WDFY4: variants seen among roughly 807,000 people sequenced by gnomAD.
WDFY4 encodes WD repeat- and FYVE domain-containing protein 4.
A neutral mutation model predicts 351.9 loss-of-function variants in WDFY4; 169 were observed. The ratio of observed to expected loss-of-function variants is 0.48; its 90% confidence interval spans 0.42 to 0.55. The LOEUF (loss-of-function observed/expected upper bound fraction) is 0.55. Among genes scored for constraint, WDFY4 ranks in the 20% least tolerant of loss-of-function variants. WDFY4 has a pLI of 0.00. For missense variants in WDFY4, 3,803 were observed against 3,935.6 expected, an observed-to-expected ratio of 0.97 and a Z score of 0.90; for synonymous variants, 1,622 against 1,574.6, an observed-to-expected ratio of 1.03 and a Z score of -0.71.
chr10:48,755,867 A>G (rs112824808), intron 12 of WDFY4, among the ~76,000 whole-genome samples: 3 of 152,084 alleles, frequency 2.0e-5, no homozygotes, highest in Admixed American at 1.3e-4. Context: ...GTTATTTTAT[A>G]TATAGGTAGG....
At chr10:48,716,149 C>T (rs1230647790) in intron 2 of WDFY4, among the ~76,000 whole-genome samples, 5 of 152,034 alleles carry the variant, frequency 3.3e-5, no homozygotes, top group South Asian at 2.1e-4. Flanking sequence ...GCATCACACT[C>T]GCAGGGAAAC....
At chr10:48,790,580 C>G (rs371780586) in intron 22 of WDFY4, 147 bp from the exon 23 acceptor site, 6 of 874,268 alleles carry the variant, frequency 6.9e-6, no homozygotes, top group African/African-American at 6.8e-5. Flanking sequence ...CTGCTCTTCC[C>G]CCCAGCCTGT....
intron 12 of WDFY4, among the ~76,000 whole-genome samples, chr10:48,743,901 G>T (rs1025172858): frequency 6.6e-6 from 1 of 152,086 alleles, no homozygotes; most frequent in Non-Finnish European, 1.5e-5. Flanking sequence ...AGGCAGCCTC[G>T]GTCTTCTCAG....
chr10:48,812,552 A>G (rs542158652), intron 30 of WDFY4, among the ~76,000 whole-genome samples: 69 of 152,098 alleles, frequency 4.5e-4, no homozygotes, highest in African/African-American at 1.5e-3. Context: ...CATAAGCCAT[A>G]ATTATGTTCA....
In WDFY4 at chr10:48,806,077, C is replaced by G; in HGVS notation, c.4720C>G (p.Leu1574Val). 2 of 1,551,686 alleles carry G rather than the reference C, an allele frequency of 1.3e-6. No homozygotes were observed. The highest frequency in any genetic ancestry group is 1.4e-5 in the African/African-American group (1 of 73,162). Reference protein sequence around the residue: ...NERQICMDGALDPSLPAGSQT... With the variant: ...NERQICMDGAVDPSLPAGSQT... ...GAGGCAGATCTGCATGGACGGAGCC[C>G]TGGACCCTTCCCTGCCTGGTGAGAA... The change falls in exon 27 of 62, where the codon CTG (leucine) becomes GTG (valine). Residue 1574 changes from leucine to valine, a missense_variant. Around this residue, in one of 3 missense-constraint regions of WDFY4, gnomAD observed 3,054 missense variants for 3,148.6 expected, o/e 0.97. Transcript: ENST00000325239.
intron 2 of WDFY4, among the ~76,000 whole-genome samples, chr10:48,712,852 G>A (rs542189256): frequency 3.3e-5 from 5 of 152,242 alleles, no homozygotes; most frequent in South Asian, 4.2e-4. Flanking sequence ...CACTTCTCCC[G>A]GAATGTGGCT....
At chr10:48,841,195 T>G (rs1375354446) in intron 39 of WDFY4, among the ~76,000 whole-genome samples, 1 of 152,244 alleles carries the variant, frequency 6.6e-6, no homozygotes, top group African/African-American at 2.4e-5. Flanking sequence ...TGGTATATAT[T>G]AAAGTTTCCA....
chr10:48,819,212 C>G (rs908308795), intron 32 of WDFY4, among the ~76,000 whole-genome samples: 1 of 152,216 alleles, frequency 6.6e-6, no homozygotes, highest in Non-Finnish European at 1.5e-5. Flanking sequence ...GCTCCTGGCT[C>G]TAATTCCAAG....
In WDFY4 at chr10:48,729,548, A is replaced by G; in HGVS notation, c.1088A>G (p.Tyr363Cys). The change falls in exon 8 of 62, where the codon TAC becomes TGC. Residue 363 changes from tyrosine (Y) to cysteine (C), a missense_variant. By Grantham distance (194) the Tyr-to-Cys change is radical. Transcript: ENST00000325239. ...SELKVFDSIT[Y>C]PQLEGFKFHH... ...CTGAAGGTGTTTGACAGCATCACTTACCCTCAGCTTGAAGGCTTCAAGTTC... is the reference window on the plus strand; with the variant it reads ...CTGAAGGTGTTTGACAGCATCACTTGCCCTCAGCTTGAAGGCTTCAAGTTC... 1 of 1,551,690 alleles carries G rather than the reference A, an allele frequency of 6.4e-7. No homozygotes were observed. Among genetic ancestry groups the G allele is most frequent in the South Asian group, 1.2e-5 (1 of 84,060 alleles).
chr10:48,838,053 A>G (rs1398456797), intron 39 of WDFY4, among the ~76,000 whole-genome samples: 2 of 152,246 alleles, frequency 1.3e-5, no homozygotes, highest in Admixed American at 6.5e-5. Flanking sequence ...AAAGCCAGGT[A>G]TTAGCAAACT....
intron 39 of WDFY4, among the ~76,000 whole-genome samples, chr10:48,845,063 C>T (rs376209429): frequency 6.6e-6 from 1 of 152,154 alleles, no homozygotes; most frequent in South Asian, 2.1e-4. Flanking sequence ...AATGCCAAAG[C>T]TCCGGGGTAC....
intron 13 of WDFY4, among the ~76,000 whole-genome samples, chr10:48,764,188 C>G (rs760430154): frequency 6.6e-5 from 10 of 152,228 alleles, no homozygotes; most frequent in Non-Finnish European, 1.2e-4. Context: ...GAGGCCACAA[C>G]TTAACCTTAT....
chr10:48,796,578 C>A lies in WDFY4; in HGVS notation c.4410+128C>A, dbSNP rs948473934. 5 of 1,302,800 alleles carry A rather than the reference C, an allele frequency of 3.8e-6. No homozygotes were observed. The Admixed American group carries it at 8.0e-5, about 21-fold the overall frequency. The allele number at this position is 1,302,800 out of a possible 1,614,324, so 80.7% of individuals were successfully genotyped here. A position where few individuals can be genotyped will look rare whatever the true frequency, so the allele number is the denominator to read the frequency against. On this transcript the variant is annotated intron_variant, in intron 24 of 61. Coordinates refer to ENST00000325239, the MANE Select transcript of WDFY4 (RefSeq NM_001394531.1). ...TCATGATGGTAGGGAGAGGGAAAAC[C>A]AAACGAGCCTGCCCAGAGGCCCTGG... is the stretch of plus-strand genomic sequence containing the variant.
rs531774317 is a variant in WDFY4 at position 48,791,093 on chromosome 10, G to A, written c.4257+176G>A. ...ACTTCGCAGCAGAGGAGGGGCAGGC[G>A]ACAGCCAGCCCAAGAGCTCTGCTCA... is the stretch of plus-strand genomic sequence containing the variant. On this transcript the variant is annotated intron_variant, in intron 23 of 61. Coordinates refer to ENST00000325239, the MANE Select transcript of WDFY4 (RefSeq NM_001394531.1). Among the ~76,000 whole-genome samples the A allele has an allele frequency of 3.9e-5, 6 of 152,350 alleles. No individual in the cohort carries two copies. The East Asian group carries it at 7.7e-4, about 20-fold the overall frequency.
chr10:48,841,667 G>A (rs145035697), intron 39 of WDFY4, among the ~76,000 whole-genome samples: 5 of 152,274 alleles, frequency 3.3e-5, no homozygotes, highest in East Asian at 3.9e-4. Flanking sequence ...GAGCAGACAC[G>A]GAGCTTGTGC....
At chr10:48,751,078 T>G (rs2065167535) in intron 12 of WDFY4, among the ~76,000 whole-genome samples, 1 of 152,244 alleles carries the variant, frequency 6.6e-6, no homozygotes, top group South Asian at 2.1e-4. Context: ...TGCTCCTGCC[T>G]GCTCCTCTTC....
At chr10:48,737,171 G>A (rs527721346) in intron 11 of WDFY4, among the ~76,000 whole-genome samples, 1 of 152,080 alleles carries the variant, frequency 6.6e-6, no homozygotes, top group South Asian at 2.1e-4. Flanking sequence ...CACCACGCTT[G>A]GCTAATTTTT....
Position 48,976,799 on chromosome 10 carries a change from C to A in WDFY4, c.9111C>A (p.Gly3037=). The change falls in exon 59 of 62, where the codon GGC becomes GGA. Residue 3037 remains glycine, a splice_region_variant and synonymous_variant. Coordinates refer to ENST00000325239, the MANE Select transcript of WDFY4 (RefSeq NM_001394531.1). Reference sequence around the variant, plus strand: ...TGATGCCAGCTCTCACTGCACAGGGCACCATTGTCTCCTGTGCGGGAGCAC... The same window carrying A: ...TGATGCCAGCTCTCACTGCACAGGGAACCATTGTCTCCTGTGCGGGAGCAC... ...ISAITISDVS[G]TIVSCAGAHL... is the part of the protein sequence containing the mutation. The A allele has an allele frequency of 6.9e-7, 1 of 1,444,102 alleles. No individual in the cohort carries two copies. The highest frequency in any genetic ancestry group is 1.5e-5 in the South Asian group (1 of 67,984). 89.5% of individuals were successfully genotyped at this position (1,444,102 alleles called of 1,614,324 possible).
chr10:48,757,237 CTAACTA>C (rs1331355679), intron 12 of WDFY4, among the ~76,000 whole-genome samples: 1 of 152,088 alleles, frequency 6.6e-6, no homozygotes, highest in Non-Finnish European at 1.5e-5. Context: ...GTTGAACTCT[CTAACTA>C]TAATTGTGGA....
Sources: allele counts gnomAD v4.1 joint callset (sites outside exome capture counted in the v4.1 genomes callset), GRCh38; gene constraint gnomAD v4.1.1; regional missense constraint gnomAD v4.1.1; transcripts MANE v1.5; gene names NCBI Gene and HGNC (gene_info 2026-07-23, HGNC 2026-07-21).